EZR: variants seen among roughly 807,000 people sequenced by gnomAD.
EZR encodes ezrin.
In EZR, 40 loss-of-function variants were observed where a neutral mutation model predicts 74.8. The observed-to-expected ratio is 0.53, with a 90% CI of 0.42 to 0.70. The LOEUF (loss-of-function observed/expected upper bound fraction) is 0.70. EZR is among the 30% of genes least tolerant of loss of function. EZR has a pLI of 0.00. For synonymous variants in EZR, 341 were observed against 283.3 expected (o/e 1.20, Z -2.05); for missense variants, 678 against 755.8 (o/e 0.90, Z 1.21).
At chr6:158,775,980 C>G (rs150746220) in intron 8 of EZR, among the ~76,000 whole-genome samples, 1 of 152,274 alleles carries the variant, frequency 6.6e-6, no homozygotes, top group Non-Finnish European at 1.5e-5. Flanking sequence ...TGGGCACCAG[C>G]AATGCTTGGG....
chr6:158,787,365 T>C (rs1427746098), intron 3 of EZR, among the ~76,000 whole-genome samples, 162 bp from the exon 4 acceptor site: 1 of 152,212 alleles, frequency 6.6e-6, no homozygotes, highest in Admixed American at 6.5e-5. Context: ...CTCAAATAAC[T>C]TGTTACTAAC....
At position 158,818,198 on chromosome 6, in the gene EZR, G is replaced by C. The variant is rs1397354143; in HGVS notation, c.-73-32C>G. The C allele has an allele frequency of 1.4e-5, 17 of 1,248,004 alleles. 1 individual carries two copies. Among genetic ancestry groups the C allele is most frequent in the Admixed American group, 4.2e-5 (2 of 47,234 alleles). 77.3% of individuals were successfully genotyped at this position (1,248,004 alleles called of 1,614,324 possible). ...TCAGAGCAGAACCCTTAGAGCGCCC[G>C]CCCGCCCTGCCTCGTCCTCCTGCCG... On this transcript the variant is annotated intron_variant, in intron 1 of 13. Coordinates refer to ENST00000367075, the MANE Select transcript of EZR (RefSeq NM_001111077.2).
Position 158,785,584 on chromosome 6 carries a change from C to A in EZR, c.193-1G>T. 6.2e-7 allele frequency: 1 copy of A among 1,613,164 alleles called. No individual in the cohort carries two copies. The highest frequency in any genetic ancestry group is 8.5e-7 in the Non-Finnish European group (1 of 1,179,214). ...CCTTCCTGACCTCCTGGGCAGACACCTGCACGAAACAAGCCACACTCTCCA... is the reference window on the plus strand; with the variant it reads ...CCTTCCTGACCTCCTGGGCAGACACATGCACGAAACAAGCCACACTCTCCA... On this transcript the variant is annotated splice_acceptor_variant, in intron 4 of 13. Coordinates refer to ENST00000367075, the MANE Select transcript of EZR (RefSeq NM_001111077.2). LOFTEE classifies it high-confidence loss of function.
intron 2 of EZR, among the ~76,000 whole-genome samples, chr6:158,808,737 TA>T (rs1236514145): frequency 3.9e-5 from 6 of 152,166 alleles, no homozygotes; most frequent in Non-Finnish European, 1.5e-5. Flanking sequence ...AGGAGGCAGG[TA>T]TGTTTACCTA....
At chr6:158,770,693 G>C (rs1417726356) in intron 10 of EZR, 71 bp downstream of exon 10, 10 of 1,577,318 alleles carry the variant, frequency 6.3e-6, no homozygotes, top group Non-Finnish European at 8.7e-6. Context: ...GAGTGGGTGG[G>C]TGGGTGTGGC....
intron 2 of EZR, among the ~76,000 whole-genome samples, chr6:158,816,186 GGA>G (rs1182377157): frequency 6.6e-6 from 1 of 152,152 alleles, no homozygotes; most frequent in Non-Finnish European, 1.5e-5. Flanking sequence ...GGATGGGGAG[GGA>G]GAGTTTAATA....
intron 11 of EZR, among the ~76,000 whole-genome samples, 168 bp downstream of exon 11, chr6:158,769,616 T>C (rs545431689): frequency 1.1e-4 from 16 of 152,108 alleles, no homozygotes; most frequent in African/African-American, 3.9e-4. Flanking sequence ...CTTCAATGGG[T>C]GACCCTGGCA....
chr6:158,807,886 C>A (rs1170617207), intron 2 of EZR, among the ~76,000 whole-genome samples: 4 of 152,214 alleles, frequency 2.6e-5, no homozygotes, highest in Non-Finnish European at 5.9e-5. Context: ...GAGCATTTTG[C>A]CATTGAGGAA....
At chr6:158,799,207 G>C (rs536320717) in intron 2 of EZR, among the ~76,000 whole-genome samples, 1 of 152,092 alleles carries the variant, frequency 6.6e-6, no homozygotes, top group South Asian at 2.1e-4. Flanking sequence ...GCTCAAACTT[G>C]AACATGTGAA....
chr6:158,771,588 C>T (rs542542003), intron 8 of EZR, among the ~76,000 whole-genome samples, 181 bp from the exon 9 acceptor site: 2 of 152,148 alleles, frequency 1.3e-5, no homozygotes, highest in South Asian at 2.1e-4. Context: ...GCACGTGCCG[C>T]GTGTGTGTGC....
At chr6:158,787,270 TGTC>T in intron 3 of EZR, 67 bp from the exon 4 acceptor site, 1 of 1,363,570 alleles carries the variant, frequency 7.3e-7, no homozygotes, top group South Asian at 1.2e-5. Context: ...AGCTTTTGGC[TGTC>T]GTTCATCACA....
rs2128564732 is a variant in EZR at position 158,769,793 on chromosome 6, C to T, written c.1242G>A (p.Gln414=). 1 of 1,613,892 alleles carries T rather than the reference C, an allele frequency of 6.2e-7. No homozygotes were observed. The highest frequency in any genetic ancestry group is 1.1e-5 in the South Asian group (1 of 91,082). The change falls in exon 11 of 14, where the codon CAG becomes CAA. Residue 414 remains glutamine (Q), a synonymous_variant. Coordinates refer to ENST00000367075, the MANE Select transcript of EZR (RefSeq NM_001111077.2). The part of the protein sequence containing the change: ...ERQAVDQIKS[Q]EQLAAELAEY... ...CTCAGGCCATTCCTACCAGCTGCTC[C>T]TGGCTCTTTATCTGATCCACCGCCT...
In EZR at chr6:158,765,834, G is replaced by A. The variant is rs796171966; in HGVS notation, c.*1080C>T. On this transcript the variant is annotated 3_prime_UTR_variant, in exon 14 of 14. Transcript: ENST00000367075. ...AGCTGTGAAGGAGAAAGCAGTGCACGAGAAGGAATGAGTGGGCGGAACCAA... is the reference window on the plus strand; with the variant it reads ...AGCTGTGAAGGAGAAAGCAGTGCACAAGAAGGAATGAGTGGGCGGAACCAA... 5.3e-5 allele frequency: 8 copies of A among 152,362 alleles called. No individual in the cohort carries two copies. Among genetic ancestry groups the A allele is most frequent in the South Asian group, 2.1e-4 (1 of 4,828 alleles). The allele number at this position is 152,362 out of a possible 1,614,324, so 9.4% of individuals were successfully genotyped here. A position where few individuals can be genotyped will look rare whatever the true frequency, so the allele number is the denominator to read the frequency against.
chr6:158,776,899 T>C (rs1444930010), intron 7 of EZR, among the ~76,000 whole-genome samples: 1 of 152,144 alleles, frequency 6.6e-6, no homozygotes, highest in African/African-American at 2.4e-5. Context: ...GAGCCCACTC[T>C]CAAGCTGTGT....
chr6:158,771,836 C>T (rs1583557086), intron 8 of EZR, among the ~76,000 whole-genome samples: 2 of 152,222 alleles, frequency 1.3e-5, no homozygotes, highest in Non-Finnish European at 2.9e-5. Flanking sequence ...ATGTCCTCTC[C>T]AGCCTCACTG....
intron 8 of EZR, among the ~76,000 whole-genome samples, chr6:158,773,754 C>T (rs1175064898): frequency 3.3e-5 from 5 of 152,230 alleles, no homozygotes; most frequent in African/African-American, 7.2e-5. Flanking sequence ...GTGGGGGAAG[C>T]GTCCGAGGAG....
intron 1 of EZR, 113 bp from the exon 2 acceptor site, chr6:158,818,279 C>T: frequency 4.3e-6 from 2 of 462,922 alleles, no homozygotes; most frequent in South Asian, 3.8e-5. Flanking sequence ...CCAGCCCGGG[C>T]CCGGGTGAGT....
In EZR at chr6:158,766,223, A is replaced by C. The variant is rs991389563; in HGVS notation, c.*691T>G. ...AAAACTAATGTTACAAATCTGTATTATCACTTGTATATAAATAGTATATAG... is the reference window on the plus strand; with the variant it reads ...AAAACTAATGTTACAAATCTGTATTCTCACTTGTATATAAATAGTATATAG... On this transcript the variant is annotated 3_prime_UTR_variant, in exon 14 of 14. Coordinates refer to ENST00000367075, the MANE Select transcript of EZR (RefSeq NM_001111077.2). 3.9e-5 allele frequency: 6 copies of C among 152,448 alleles called. No homozygotes were observed. Among genetic ancestry groups the C allele is most frequent in the Non-Finnish European group, 8.8e-5 (6 of 68,034 alleles). 9.4% of individuals were successfully genotyped at this position (152,448 alleles called of 1,614,324 possible).
At chr6:158,780,677 G>T (rs1791411996) in intron 7 of EZR, among the ~76,000 whole-genome samples, 1 of 152,160 alleles carries the variant, frequency 6.6e-6, no homozygotes, top group Non-Finnish European at 1.5e-5. Context: ...GCCCAAAGAG[G>T]GATGAAGCTA....
Sources: allele counts gnomAD v4.1 joint callset (sites outside exome capture counted in the v4.1 genomes callset), GRCh38; gene constraint gnomAD v4.1.1; transcripts MANE v1.5; gene names NCBI Gene and HGNC (gene_info 2026-07-23, HGNC 2026-07-21).